The following PLCD4 variants were observed in gnomAD, a reference collection of about 807,000 sequenced individuals.
PLCD4 encodes phospholipase C delta 4.
PLCD4 carries 63 observed loss-of-function variants against 90.2 expected under a neutral mutation model. That is an observed-to-expected ratio of 0.70 (90% CI 0.57 to 0.86). PLCD4 has a LOEUF of 0.86. Ranked by LOEUF, PLCD4 falls within the 40% of genes least tolerant of loss-of-function variation. The pLI is 0.00. For synonymous variants in PLCD4, 294 were observed against 356.5 expected (o/e 0.82, Z 1.97); for missense variants, 830 against 956.3 (o/e 0.87, Z 1.74).
At chr2:218,624,480 T>C (rs1262624478) in intron 6 of PLCD4, among the ~76,000 whole-genome samples, 2 of 152,186 alleles carry the variant, frequency 1.3e-5, no homozygotes, top group East Asian at 3.9e-4. Flanking sequence ...TCCCAGCACT[T>C]TGGGAGACCG....
chr2:218,608,526 C>T (rs1048257994), intron 1 of PLCD4, among the ~76,000 whole-genome samples: 2 of 152,158 alleles, frequency 1.3e-5, no homozygotes, highest in African/African-American at 4.8e-5. Flanking sequence ...AGAACTTGTT[C>T]TTTGCCTATT....
intron 4 of PLCD4, 178 bp downstream of exon 4, chr2:218,618,985 T>G (rs1016245874): frequency 2.1e-5 from 13 of 608,788 alleles, no homozygotes; most frequent in Admixed American, 5.9e-5. Context: ...GAGGGAGGAA[T>G]GGATGCCAAG....
At position 218,622,862 on chromosome 2, in the gene PLCD4, T is replaced by C. The variant is rs779374048; in HGVS notation, c.756T>C (p.Tyr252=). 7 of 1,613,816 alleles carry C rather than the reference T, an allele frequency of 4.3e-6. No individual in the cohort carries two copies. Among genetic ancestry groups the C allele is most frequent in the African/African-American group, 1.3e-5 (1 of 75,062 alleles). The change falls in exon 6 of 16, where the codon TAT becomes TAC. Residue 252 remains tyrosine (Y), a synonymous_variant. Coordinates refer to ENST00000450993, the MANE Select transcript of PLCD4 (RefSeq NM_032726.4). ...TTGCTCTGGAACTCATTGACCGCTA[T>C]GAACCTTCAGACAGTGGTAAGAGAA... The part of the protein sequence containing the change: ...SELALELIDR[Y]EPSDSGKLRH...
At chr2:218,630,211 C>T (rs1020196776) in intron 8 of PLCD4, among the ~76,000 whole-genome samples, 3 of 152,174 alleles carry the variant, frequency 2.0e-5, no homozygotes, top group African/African-American at 7.2e-5. Context: ...ACTATTACTT[C>T]TAACAAGTTC....
chr2:218,609,975 A>AAG (rs1375024702), intron 1 of PLCD4: 7 of 151,658 alleles, frequency 4.6e-5, no homozygotes, highest in East Asian at 1.9e-4. Context: ...ACAGAGGATT[A>AAG]AGAGAGAGAG....
chr2:218,626,545 C>G (rs1696127663), intron 6 of PLCD4, among the ~76,000 whole-genome samples: 1 of 152,218 alleles, frequency 6.6e-6, no homozygotes, highest in Admixed American at 6.5e-5. Context: ...TATATTACAT[C>G]TACTTCATCA....
At chr2:218,622,909 C>A in intron 6 of PLCD4, 31 bp downstream of exon 6, 1 of 1,576,070 alleles carries the variant, frequency 6.3e-7, no homozygotes. Flanking sequence ...AGGCACCAGA[C>A]ATAGGGGTTG....
At chr2:218,628,482 A>T (rs756885484) in intron 7 of PLCD4, 4 of 427,448 alleles carry the variant, frequency 9.4e-6, no homozygotes, top group Non-Finnish European at 1.3e-5. Flanking sequence ...TGACAGATTT[A>T]TATTTAACAA....
intron 10 of PLCD4, 52 bp from the exon 11 acceptor site, chr2:218,633,551 TTC>T: frequency 6.3e-7 from 1 of 1,577,858 alleles, no homozygotes; most frequent in Non-Finnish European, 8.7e-7. Flanking sequence ...CATTATCTTC[TTC>T]TCTCTCAGAC....
Position 218,633,666 on chromosome 2 carries a change from C to T in PLCD4, c.1511C>T (p.Ser504Leu). 1.2e-6 allele frequency: 2 copies of T among 1,613,386 alleles called. No individual in the cohort carries two copies. The highest frequency in any genetic ancestry group is 4.5e-5 in the East Asian group (2 of 44,886). ...CTGGTTATCTACTTGAAGTCTGTCT[C>T]ATTCCGCAGCTTCACACATTCAAAG... ...SSLVIYLKSV[S>L]FRSFTHSKEH... The change falls in exon 11 of 16, where the codon TCA (serine) becomes TTA (leucine). Residue 504 changes from serine (S) to leucine (L), a missense_variant. Ser to Leu is a moderately radical substitution (Grantham distance 145). Coordinates refer to ENST00000450993, the MANE Select transcript of PLCD4 (RefSeq NM_032726.4).
intron 11 of PLCD4, 93 bp downstream of exon 11, chr2:218,633,854 G>A (rs1449909345): frequency 6.9e-7 from 1 of 1,459,454 alleles, no homozygotes; most frequent in Non-Finnish European, 9.4e-7. Context: ...AAAAGACAAG[G>A]TAGCTAAGGA....
intron 5 of PLCD4, among the ~76,000 whole-genome samples, chr2:218,621,856 G>T (rs1222059879): frequency 6.6e-6 from 1 of 152,146 alleles, no homozygotes; most frequent in Non-Finnish European, 1.5e-5. Flanking sequence ...GAGGCAGGTG[G>T]ATCACGAAGT....
At chr2:218,616,961 G>T (rs1415849865) in intron 3 of PLCD4, among the ~76,000 whole-genome samples, 2 of 91,624 alleles carry the variant, frequency 2.2e-5, no homozygotes, top group African/African-American at 4.7e-5. Flanking sequence ...GAGAGAGAGA[G>T]AGAGAGAGAG....
intron 6 of PLCD4, among the ~76,000 whole-genome samples, chr2:218,624,344 CAAG>C (rs1696011115): frequency 6.6e-6 from 1 of 152,212 alleles, no homozygotes; most frequent in African/African-American, 2.4e-5. Context: ...CTAGATCAGA[CAAG>C]GACACTGCCC....
chr2:218,619,105 T>A (rs929446854), intron 4 of PLCD4, among the ~76,000 whole-genome samples: 1 of 152,078 alleles, frequency 6.6e-6, no homozygotes, highest in African/African-American at 2.4e-5. Flanking sequence ...AAGATCCCAG[T>A]GGCATTAACC....
chr2:218,620,508 AT>A (rs945030739), intron 4 of PLCD4, among the ~76,000 whole-genome samples: 3 of 151,128 alleles, frequency 2.0e-5, no homozygotes, highest in South Asian at 2.1e-4. Flanking sequence ...CTCCAAAAAA[AT>A]TTTTTTTCTT....
At chr2:218,627,951 A>G in intron 6 of PLCD4, 78 bp from the exon 7 acceptor site, 3 of 1,332,112 alleles carry the variant, frequency 2.3e-6, no homozygotes, top group Non-Finnish European at 3.1e-6. Flanking sequence ...ATGGAGTGGG[A>G]GGAAGGATGG....
Position 218,615,992 on chromosome 2 carries a change from C to T in PLCD4, c.111C>T (p.Tyr37=), listed in dbSNP as rs373946533. Residue 37 remains tyrosine, a synonymous_variant, in exon 3 of 16, where the codon TAC becomes TAT. Coordinates refer to ENST00000450993, the MANE Select transcript of PLCD4 (RefSeq NM_032726.4). Reference sequence around the variant, plus strand: ...CCAAAAGCTGGAAGAAGCTAAGATACTTCAGACTTCAGAATGACGGCATGA... The same window carrying T: ...CCAAAAGCTGGAAGAAGCTAAGATATTTCAGACTTCAGAATGACGGCATGA... ...VRSKSWKKLR[Y]FRLQNDGMTV... is the part of the protein sequence containing the mutation. 3.7e-5 allele frequency: 60 copies of T among 1,613,940 alleles called. No individual in the cohort carries two copies. In the Middle Eastern group the frequency reaches 4.9e-4, roughly 13 times the overall value.
chr2:218,636,828 A>G lies in PLCD4; in HGVS notation c.*251A>G, dbSNP rs956759686. The G allele has an allele frequency of 8.8e-6, 5 of 570,084 alleles. No homozygotes were observed. Among genetic ancestry groups the G allele is most frequent in the Non-Finnish European group, 1.7e-5 (5 of 301,660 alleles). The allele number at this position is 570,084 out of a possible 1,614,324, so 35.3% of individuals were successfully genotyped here. On this transcript the variant is annotated 3_prime_UTR_variant, in exon 16 of 16. Coordinates refer to ENST00000450993, the MANE Select transcript of PLCD4 (RefSeq NM_032726.4). ...CCTGCCCTTTTCCTTTGTGTACTCT[A>G]TACTGGAGTTCCCTTCTTCCTCTTG... is the stretch of plus-strand genomic sequence containing the variant.
Sources: allele counts gnomAD v4.1 joint callset (sites outside exome capture counted in the v4.1 genomes callset), GRCh38; gene constraint gnomAD v4.1.1; transcripts MANE v1.5; gene names NCBI Gene and HGNC (gene_info 2026-07-23, HGNC 2026-07-21).